The following VRK2 variants were observed in gnomAD, a reference collection of about 807,000 sequenced individuals.
The protein encoded by VRK2 is serine/threonine-protein kinase VRK2.
VRK2 carries 60 observed loss-of-function variants against 57.6 expected under a neutral mutation model. The observed-to-expected ratio is 1.04, with a 90% CI of 0.85 to 1.29. VRK2 has a LOEUF of 1.29. Among genes scored for constraint, VRK2 ranks in the 50% most tolerant of loss-of-function variants. The probability of loss-of-function intolerance (pLI) is 0.00; values close to 1 mark genes in which losing one functional copy is unlikely to be tolerated. For synonymous variants in VRK2, 231 were observed against 199.2 expected (o/e 1.16, Z -1.35); for missense variants, 705 against 588.1 (o/e 1.20, Z -2.06).
chr2:57,981,114 A>C (rs920161501), intron 1 of VRK2, among the ~76,000 whole-genome samples: 2 of 152,172 alleles, frequency 1.3e-5, no homozygotes, highest in Non-Finnish European at 2.9e-5. Flanking sequence ...TTGATTGTAT[A>C]GTTGCTTTAT....
chr2:58,086,020 A>G (rs1256270206), intron 4 of VRK2, among the ~76,000 whole-genome samples: 1 of 150,644 alleles, frequency 6.6e-6, no homozygotes, highest in East Asian at 1.9e-4. Flanking sequence ...TTGGTGGTTA[A>G]CATATGTTAT....
At chr2:57,914,427 A>G (rs1262919131) in intron 1 of VRK2, among the ~76,000 whole-genome samples, 1 of 152,064 alleles carries the variant, frequency 6.6e-6, no homozygotes, top group African/African-American at 2.4e-5. Context: ...TTTTTAACCT[A>G]TACAATTTAA....
chr2:58,074,976 G>A (rs977784723), intron 2 of VRK2, among the ~76,000 whole-genome samples: 1 of 151,984 alleles, frequency 6.6e-6, no homozygotes, highest in African/African-American at 2.4e-5. Flanking sequence ...TGGGAGTTTG[G>A]TATACGGATA....
At chr2:58,127,893 A>AAT (rs1678605188) in intron 8 of VRK2, among the ~76,000 whole-genome samples, 3 of 152,200 alleles carry the variant, frequency 2.0e-5, no homozygotes, top group Admixed American at 2.0e-4. Flanking sequence ...TCTTGGAATT[A>AAT]ATACTTAGAC....
intron 1 of VRK2, among the ~76,000 whole-genome samples, chr2:57,975,748 T>C (rs1672231020): frequency 6.6e-6 from 1 of 151,866 alleles, no homozygotes; most frequent in Non-Finnish European, 1.5e-5. Flanking sequence ...ATATTTGGTT[T>C]TCTCTCTCTC....
intron 2 of VRK2, among the ~76,000 whole-genome samples, chr2:58,063,311 TGAA>T (rs1309541620): frequency 3.3e-5 from 5 of 151,084 alleles, no homozygotes; most frequent in South Asian, 2.1e-4. Context: ...AGAGGGTAGA[TGAA>T]GAAGAAGTGG....
chr2:57,984,064 C>A (rs1382724765), intron 1 of VRK2, among the ~76,000 whole-genome samples: 6 of 152,094 alleles, frequency 3.9e-5, no homozygotes, highest in South Asian at 2.1e-4. Context: ...TAAAGGGCCA[C>A]AGAGTAAATA....
Position 57,918,516 on chromosome 2 carries a change from T to C in VRK2, c.-439+10677T>C, listed in dbSNP as rs527721716. Reference sequence around the variant, plus strand: ...TCAGATGTATTGTCAATGCCACTTTTAGAGTCTATCACCCTTATATTGGTA... The same window carrying C: ...TCAGATGTATTGTCAATGCCACTTTCAGAGTCTATCACCCTTATATTGGTA... On this transcript the variant is annotated intron_variant, in intron 1 of 15. Transcript: ENST00000417641. Among the ~76,000 whole-genome samples, 25 of 152,244 alleles carry C rather than the reference T, an allele frequency of 1.6e-4. No homozygotes were observed. In the South Asian group the frequency reaches 5.2e-3, roughly 32 times the overall value.
chr2:58,154,660 TA>T (rs1683523500), intron 12 of VRK2: 2 of 707,648 alleles, frequency 2.8e-6, no homozygotes, highest in African/African-American at 3.5e-5. Flanking sequence ...TTGACCCATT[TA>T]AAGGGGTCTT....
Position 58,139,654 on chromosome 2 carries a change from A to C in VRK2, c.857-12A>C. 6.2e-7 allele frequency: 1 copy of C among 1,601,942 alleles called. No homozygotes were observed. Reference sequence around the variant, plus strand: ...ATTGTGAATGACATGTAAAAAATTTAATAATTCACAGGTGAAATAGCCCAA... The same window carrying C: ...ATTGTGAATGACATGTAAAAAATTTCATAATTCACAGGTGAAATAGCCCAA... On this transcript the variant is annotated splice_polypyrimidine_tract_variant and intron_variant, in intron 10 of 12. Transcript: ENST00000340157.
At chr2:58,091,516 G>C (rs1325194114) in intron 7 of VRK2, among the ~76,000 whole-genome samples, 1 of 151,690 alleles carries the variant, frequency 6.6e-6, no homozygotes, top group Non-Finnish European at 1.5e-5. Context: ...AGTTGTTACT[G>C]TATTATCACG....
chr2:58,122,768 C>T (rs1276429637), intron 7 of VRK2, among the ~76,000 whole-genome samples: 2 of 152,108 alleles, frequency 1.3e-5, no homozygotes, highest in Non-Finnish European at 2.9e-5. Context: ...AGCAGAGCCT[C>T]CTCAACTGTG....
At position 58,028,899 on chromosome 2, in the gene VRK2, AATAAATATATATATATATATATAT is replaced by A. The variant is rs1401429919; in HGVS notation, c.-333+3133_-333+3156del. ...TTAAAGTATAATAAATAAATAAATA[AATAAATATATATATATATATATAT>A]ATATATATATATATATATATTTAGA... On this transcript the variant is annotated intron_variant, in intron 2 of 15. Transcript: ENST00000417641. Among the ~76,000 whole-genome samples, 9 of 80,872 alleles carry A rather than the reference AATAAATATATATATATATATATAT, an allele frequency of 1.1e-4. 1 individual carries two copies. Among genetic ancestry groups the A allele is most frequent in the South Asian group, 5.4e-4 (1 of 1,844 alleles). The allele number at this position is 80,872 out of a possible 152,430, so 53.1% of individuals were successfully genotyped here.
At chr2:58,135,250 A>G in intron 10 of VRK2, 51 bp downstream of exon 10, 1 of 1,601,520 alleles carries the variant, frequency 6.2e-7, no homozygotes, top group South Asian at 1.1e-5. Flanking sequence ...AGGTTGCCAC[A>G]TTTGTCGTTA....
At chr2:58,025,476 C>T (rs1169022388) in intron 1 of VRK2, among the ~76,000 whole-genome samples, 2 of 152,076 alleles carry the variant, frequency 1.3e-5, no homozygotes, top group African/African-American at 4.8e-5. Context: ...GAATCATAGG[C>T]TAGTTTTCAT....
At chr2:58,050,453 A>T (rs564917242) in intron 2 of VRK2, among the ~76,000 whole-genome samples, 2 of 152,196 alleles carry the variant, frequency 1.3e-5, no homozygotes, top group Non-Finnish European at 2.9e-5. Flanking sequence ...GATCTCTAGT[A>T]TACTGTCTTG....
At chr2:58,093,334 T>C (rs1037679720) in intron 7 of VRK2, among the ~76,000 whole-genome samples, 1 of 152,174 alleles carries the variant, frequency 6.6e-6, no homozygotes, top group African/African-American at 2.4e-5. Flanking sequence ...TGTTGTTTCC[T>C]GACTTTTTAA....
intron 3 of VRK2, among the ~76,000 whole-genome samples, chr2:58,036,958 T>G (rs1674296214): frequency 6.6e-6 from 1 of 152,116 alleles, no homozygotes; most frequent in African/African-American, 2.4e-5. Context: ...AATTTTTTTT[T>G]GACAGAGTCT....
chr2:57,944,433 A>T (rs531597242), intron 1 of VRK2, among the ~76,000 whole-genome samples: 1 of 152,212 alleles, frequency 6.6e-6, no homozygotes, highest in African/African-American at 2.4e-5. Context: ...GATAGAAAAT[A>T]ATTTTTTAAA....
Sources: gnomAD v4.1 joint callset for allele counts (sites outside exome capture counted in the v4.1 genomes callset) on GRCh38, gnomAD v4.1.1 for gene constraint, MANE v1.5 for transcripts, NCBI Gene and HGNC (gene_info 2026-07-23, HGNC 2026-07-21) for gene names.